The following NASP variants were observed in gnomAD, a reference collection of about 807,000 sequenced individuals.
NASP encodes the protein nuclear autoantigenic sperm protein.
Under a neutral mutation model 89.5 loss-of-function variants are expected in NASP, and 24 were observed. The ratio of observed to expected loss-of-function variants is 0.27; its 90% CI spans 0.19 to 0.38. The LOEUF (loss-of-function observed/expected upper bound fraction) is 0.38. Ranked by LOEUF, NASP falls within the 10% of genes least tolerant of loss-of-function variation. The pLI is 1.00. For missense variants in NASP, 848 were observed against 921.4 expected, an observed-to-expected ratio of 0.92 and a Z score of 1.03; for synonymous variants, 306 against 324.7, an observed-to-expected ratio of 0.94 and a Z score of 0.62.
intron 3 of NASP, among the ~76,000 whole-genome samples, chr1:45,604,389 C>T (rs1643885071): frequency 6.6e-6 from 1 of 152,202 alleles, no homozygotes; most frequent in African/African-American, 2.4e-5. Flanking sequence ...CATACATTAA[C>T]TCATTTAGTT....
At chr1:45,609,386 C>T (rs1643964117) in intron 6 of NASP, 1 of 152,154 alleles carries the variant, frequency 6.6e-6, no homozygotes, top group Non-Finnish European at 1.5e-5. Context: ...GTACTCCAGC[C>T]AACACAGGCT....
intron 2 of NASP, among the ~76,000 whole-genome samples, chr1:45,598,204 T>C (rs1046694892): frequency 3.4e-5 from 5 of 146,864 alleles, no homozygotes; most frequent in Non-Finnish European, 5.9e-5. Flanking sequence ...GGAGTCTTGC[T>C]CTGTCACCCA....
At chr1:45,609,237 G>T (rs887693967) in intron 6 of NASP, 8 of 152,134 alleles carry the variant, frequency 5.3e-5, no homozygotes, top group Non-Finnish European at 1.2e-4. Context: ...ATAACCACAG[G>T]TATATTCCAA....
intron 6 of NASP, among the ~76,000 whole-genome samples, chr1:45,608,685 A>T (rs1643951802): frequency 6.6e-6 from 1 of 152,172 alleles, no homozygotes; most frequent in South Asian, 2.1e-4. Flanking sequence ...GTAGGGAAAT[A>T]GTGGGCTAGG....
At chr1:45,584,952 C>T (rs1248261964) in intron 1 of NASP, among the ~76,000 whole-genome samples, 1 of 152,164 alleles carries the variant, frequency 6.6e-6, no homozygotes, top group African/African-American at 2.4e-5. Flanking sequence ...GTTCTTTAGA[C>T]TTTGGAGGTG....
chr1:45,604,821 AT>A, intron 3 of NASP, 114 bp from the exon 4 acceptor site: 1 of 763,038 alleles, frequency 1.3e-6, no homozygotes, highest in Non-Finnish European at 2.2e-6. Context: ...CAAGAGGGGT[AT>A]TGGTTTTCTA....
intron 1 of NASP, among the ~76,000 whole-genome samples, chr1:45,590,582 C>T (rs1463703354): frequency 2.7e-5 from 4 of 148,096 alleles, no homozygotes; most frequent in Non-Finnish European, 4.5e-5. Flanking sequence ...AGAAATTTAT[C>T]ACTGATAAAT....
intron 2 of NASP, among the ~76,000 whole-genome samples, chr1:45,595,515 T>C (rs1358262132): frequency 1.3e-5 from 2 of 152,182 alleles, no homozygotes; most frequent in African/African-American, 2.4e-5. Flanking sequence ...CATGCTCTTA[T>C]TCAGCAGTTC....
chr1:45,605,910 G>A (rs1331232613), intron 4 of NASP, among the ~76,000 whole-genome samples: 1 of 151,832 alleles, frequency 6.6e-6, no homozygotes, highest in East Asian at 1.9e-4. Context: ...CTGAGTAGCT[G>A]GGATTACAAG....
Position 45,613,365 on chromosome 1 carries a change from C to T in NASP, c.1506+117C>T. 3.4e-6 allele frequency: 4 copies of T among 1,181,052 alleles called. No individual in the cohort carries two copies. The South Asian group carries it at 5.2e-5, about 15-fold the overall frequency. 73.2% of individuals were successfully genotyped at this position (1,181,052 alleles called of 1,614,324 possible). Reference sequence around the variant, plus strand: ...GGGTGATCATGATCATGGCTCACTGCAGCCTAGACCCGGGCTTAAGTGATC... The same window carrying T: ...GGGTGATCATGATCATGGCTCACTGTAGCCTAGACCCGGGCTTAAGTGATC... On this transcript the variant is annotated intron_variant, in intron 7 of 14. Coordinates refer to ENST00000350030, the MANE Select transcript of NASP (RefSeq NM_002482.4).
chr1:45,612,791 G>A, intron 6 of NASP: 1 of 164,486 alleles, frequency 6.1e-6, no homozygotes, highest in Non-Finnish European at 1.3e-5. Flanking sequence ...CTAATGAGTG[G>A]CTTAAAGATA....
At chr1:45,590,751 A>C (rs991503500) in intron 1 of NASP, among the ~76,000 whole-genome samples, 1 of 151,040 alleles carries the variant, frequency 6.6e-6, no homozygotes, top group Non-Finnish European at 1.5e-5. Flanking sequence ...ATTTAAAAAA[A>C]CCTGTGTGTT....
At chr1:45,591,730 G>C (rs183882943) in intron 2 of NASP, among the ~76,000 whole-genome samples, 5 of 152,088 alleles carry the variant, frequency 3.3e-5, no homozygotes, top group African/African-American at 1.2e-4. Flanking sequence ...ATCTACACCC[G>C]TAGTGACTAT....
Position 45,597,985 on chromosome 1 carries a change from CTG to C in NASP, c.108-4268_108-4267del, listed in dbSNP as rs1220307169. Among the ~76,000 whole-genome samples, 3 of 152,294 alleles carry C rather than the reference CTG, an allele frequency of 2.0e-5. No homozygotes were observed. In the East Asian group the frequency reaches 5.8e-4, roughly 29 times the overall value. ...CAGGAAAATGTGAAAGGTGTCCACT[CTG>C]TTTATCTGCTACTACTTTTGTTCTT... is the stretch of plus-strand genomic sequence containing the variant. On this transcript the variant is annotated intron_variant, in intron 2 of 14. Transcript: ENST00000350030.
rs1192940136 is a variant in NASP at position 45,607,552 on chromosome 1, AAGG to A, written c.647_649del (p.Gly216del). The A allele has an allele frequency of 3.1e-6, 5 of 1,614,050 alleles. No homozygotes were observed. Among genetic ancestry groups the A allele is most frequent in the Non-Finnish European group, 4.2e-6 (5 of 1,179,932 alleles). On this transcript the variant is annotated inframe_deletion, in exon 6 of 15. Coordinates refer to ENST00000350030, the MANE Select transcript of NASP (RefSeq NM_002482.4). ...TTAACTGAAACCTCTGAAGAGGCAA[AAGG>A]AGGAGCAGCACCAGAAGGACCGAAT...
At chr1:45,595,124 A>G (rs969415323) in intron 2 of NASP, among the ~76,000 whole-genome samples, 2 of 129,452 alleles carry the variant, frequency 1.5e-5, no homozygotes, top group African/African-American at 6.0e-5. Flanking sequence ...CTGCCAGACT[A>G]AGTTTTGTGT....
chr1:45,587,613 TTTG>T (rs1329222152), intron 1 of NASP, among the ~76,000 whole-genome samples: 1 of 144,764 alleles, frequency 6.9e-6, no homozygotes, highest in African/African-American at 2.5e-5. Context: ...TTACATACAT[TTTG>T]TTAATTCAAC....
Position 45,594,265 on chromosome 1 carries a change from G to A in NASP, c.107+2995G>A, listed in dbSNP as rs548866485. Among the ~76,000 whole-genome samples, 278 of 151,814 alleles carry A rather than the reference G, an allele frequency of 1.8e-3. 3 individuals carry two copies. Among genetic ancestry groups the A allele is most frequent in the African/African-American group, 5.9e-3 (245 of 41,424 alleles). ...AATCACTTGAACCCGGGAGGTGGAA[G>A]TTGCAGTCAGCCAAGATCACGCTAC... On this transcript the variant is annotated intron_variant, in intron 2 of 14. Transcript: ENST00000350030.
intron 13 of NASP, 131 bp from the exon 14 acceptor site, chr1:45,617,332 G>A (rs1181546960): frequency 2.8e-6 from 3 of 1,071,522 alleles, no homozygotes; most frequent in Non-Finnish European, 2.7e-6. Context: ...TGTGGCTAGG[G>A]AGAGAGACCC....
Sources: allele counts gnomAD v4.1 joint callset (sites outside exome capture counted in the v4.1 genomes callset), GRCh38; gene constraint gnomAD v4.1.1; transcripts MANE v1.5; gene names NCBI Gene and HGNC (gene_info 2026-07-23, HGNC 2026-07-21).